Variants in TECRL observed in about 807,000 individuals in gnomAD.
TECRL encodes trans-2,3-enoyl-CoA reductase-like.
TECRL carries 63 observed loss-of-function variants against 52.8 expected under a neutral mutation model. The observed-to-expected ratio is 1.19, with a 90% CI of 0.97 to 1.47. The LOEUF is 1.47. Ranked by LOEUF, TECRL falls within the 40% of genes most tolerant of loss-of-function variation. The probability of loss-of-function intolerance (pLI) is 0.00; values close to 1 mark genes in which losing one functional copy is unlikely to be tolerated. For missense variants in TECRL, 482 were observed against 429.6 expected (o/e 1.12, Z -1.08); for synonymous variants, 164 against 141.9 (o/e 1.16, Z -1.10).
intron 5 of TECRL, among the ~76,000 whole-genome samples, chr4:64,312,553 G>A (rs183597302): frequency 6.6e-6 from 1 of 152,134 alleles, no homozygotes; most frequent in Non-Finnish European, 1.5e-5. Flanking sequence ...CTTGAGCCCA[G>A]GAGTTCAAGA....
intron 1 of TECRL, among the ~76,000 whole-genome samples, chr4:64,408,129 T>C (rs926330836): frequency 1.4e-4 from 21 of 151,826 alleles, no homozygotes; most frequent in African/African-American, 4.8e-4. Flanking sequence ...CTGCTCATAG[T>C]GTTATAATTA....
At chr4:64,405,197 G>GT in intron 1 of TECRL, among the ~76,000 whole-genome samples, 1 of 152,238 alleles carries the variant, frequency 6.6e-6, no homozygotes. Flanking sequence ...TCCAGGAAAT[G>GT]TTAACAGTTA....
chr4:64,372,912 A>G (rs190767296), intron 2 of TECRL, among the ~76,000 whole-genome samples: 36 of 151,684 alleles, frequency 2.4e-4, no homozygotes, highest in African/African-American at 7.9e-4. Flanking sequence ...GTATATATTT[A>G]TGTACTTTAA....
At chr4:64,329,432 A>T (rs954923372) in intron 2 of TECRL, among the ~76,000 whole-genome samples, 1 of 151,870 alleles carries the variant, frequency 6.6e-6, no homozygotes, top group African/African-American at 2.4e-5. Flanking sequence ...CATGGAAATG[A>T]GAAACCATGG....
chr4:64,280,729 T>TG (rs1722781562), intron 11 of TECRL, among the ~76,000 whole-genome samples: 1 of 152,160 alleles, frequency 6.6e-6, no homozygotes. Flanking sequence ...CACATACACA[T>TG]GCCTGTGCAC....
intron 2 of TECRL, among the ~76,000 whole-genome samples, chr4:64,338,706 AG>A (rs1275020611): frequency 6.6e-6 from 1 of 152,238 alleles, no homozygotes; most frequent in Admixed American, 6.5e-5. Context: ...TGACCATCAG[AG>A]AAATGCAAAT....
intron 1 of TECRL, among the ~76,000 whole-genome samples, chr4:64,386,463 C>T (rs1381960904): frequency 6.6e-6 from 1 of 151,820 alleles, no homozygotes; most frequent in Non-Finnish European, 1.5e-5. Context: ...ATAGGTGGAC[C>T]CATGCATTTC....
Position 64,282,620 on chromosome 4 carries a change from G to A in TECRL, c.833-1061C>T, listed in dbSNP as rs1377404071. Among the ~76,000 whole-genome samples, 13 of 152,010 alleles carry A rather than the reference G, an allele frequency of 8.6e-5. No individual in the cohort carries two copies. In the East Asian group the frequency reaches 2.3e-3, roughly 27 times the overall value. On this transcript the variant is annotated intron_variant, in intron 9 of 11. Coordinates refer to ENST00000381210, the MANE Select transcript of TECRL (RefSeq NM_001010874.5). ...AAGTTATAGTTACTGAATTTCAGAGGCAGAAGTTTCAGGAAATAGTCTGCT... is the reference window on the plus strand; with the variant it reads ...AAGTTATAGTTACTGAATTTCAGAGACAGAAGTTTCAGGAAATAGTCTGCT...
chr4:64,402,239 G>T (rs764279557), intron 1 of TECRL, among the ~76,000 whole-genome samples: 1 of 151,888 alleles, frequency 6.6e-6, no homozygotes, highest in South Asian at 2.1e-4. Context: ...CTAATTTGGT[G>T]CTTCTCAAAC....
chr4:64,323,200 T>C (rs895629396), intron 3 of TECRL, among the ~76,000 whole-genome samples: 1 of 151,750 alleles, frequency 6.6e-6, no homozygotes, highest in African/African-American at 2.4e-5. Flanking sequence ...AGGAGTTCCA[T>C]CTTGGTGACA....
At chr4:64,366,392 C>A (rs1426409201) in intron 2 of TECRL, among the ~76,000 whole-genome samples, 4 of 151,990 alleles carry the variant, frequency 2.6e-5, no homozygotes, top group African/African-American at 7.3e-5. Flanking sequence ...GCAATTGCAA[C>A]AAAAGCAATG....
intron 1 of TECRL, among the ~76,000 whole-genome samples, chr4:64,376,452 T>C (rs181637115): frequency 3.9e-5 from 6 of 152,068 alleles, no homozygotes; most frequent in South Asian, 2.1e-4. Context: ...TTAAAAACAG[T>C]TTATATAGAG....
chr4:64,378,572 A>G (rs1206868749), intron 1 of TECRL, among the ~76,000 whole-genome samples: 1 of 152,106 alleles, frequency 6.6e-6, no homozygotes, highest in South Asian at 2.1e-4. Context: ...TTCAGAATGG[A>G]CAAGGATTTT....
At chr4:64,309,779 A>G (rs767467947) in intron 6 of TECRL, 47 bp downstream of exon 6, 5 of 1,228,836 alleles carry the variant, frequency 4.1e-6, no homozygotes, top group South Asian at 3.7e-5. Context: ...AAAGGATCCA[A>G]CATATAAAAT....
intron 2 of TECRL, among the ~76,000 whole-genome samples, chr4:64,359,020 G>A (rs911718112): frequency 6.6e-6 from 1 of 151,718 alleles, no homozygotes; most frequent in Admixed American, 6.6e-5. Context: ...CATTTTAAAA[G>A]CTCATGTATT....
chr4:64,369,925 G>A (rs1016815947), intron 2 of TECRL, among the ~76,000 whole-genome samples: 1 of 151,794 alleles, frequency 6.6e-6, no homozygotes, highest in African/African-American at 2.4e-5. Context: ...GCTACACATT[G>A]TGATTAACTA....
At chr4:64,408,082 A>G (rs867207724) in intron 1 of TECRL, among the ~76,000 whole-genome samples, 11 of 151,724 alleles carry the variant, frequency 7.3e-5, no homozygotes, top group African/African-American at 2.7e-4. Context: ...TTTCTTTTCC[A>G]TCTATGAATT....
chr4:64,322,038 T>C (rs1717935986), intron 4 of TECRL, among the ~76,000 whole-genome samples: 1 of 152,168 alleles, frequency 6.6e-6, no homozygotes, highest in African/African-American at 2.4e-5. Context: ...CAGTTATTTT[T>C]GGATAAATGT....
At chr4:64,340,419 T>C (rs1045653783) in intron 2 of TECRL, among the ~76,000 whole-genome samples, 1 of 152,238 alleles carries the variant, frequency 6.6e-6, no homozygotes, top group Non-Finnish European at 1.5e-5. Context: ...TCCAGCTGTC[T>C]GGCTTCTCTC....
Sources: gnomAD v4.1 joint callset for allele counts (sites outside exome capture counted in the v4.1 genomes callset) on GRCh38, gnomAD v4.1.1 for gene constraint, MANE v1.5 for transcripts, NCBI Gene and HGNC (gene_info 2026-07-23, HGNC 2026-07-21) for gene names.